Variants in RBPMS observed in about 807,000 individuals in gnomAD.
RBPMS encodes RNA binding protein, mRNA processing factor.
Under a neutral mutation model 26.8 loss-of-function variants are expected in RBPMS, and 7 were observed. The observed-to-expected ratio is 0.26, with a 90% CI of 0.15 to 0.49. RBPMS has a LOEUF of 0.49. Ranked by LOEUF, RBPMS falls within the 20% of genes least tolerant of loss-of-function variation. The probability of loss-of-function intolerance (pLI) is 0.98; values close to 1 mark genes in which losing one functional copy is unlikely to be tolerated. For missense variants in RBPMS, 186 were observed against 250.0 expected (o/e 0.74, Z 1.73); for synonymous variants, 96 against 93.3 (o/e 1.03, Z -0.17).
At chr8:30,412,447 CTT>C (rs753987184) in intron 1 of RBPMS, among the ~76,000 whole-genome samples, 6 of 143,716 alleles carry the variant, frequency 4.2e-5, no homozygotes, top group Non-Finnish European at 3.1e-5. Flanking sequence ...AATGACACTA[CTT>C]TTTTTTTTTT....
At position 30,385,151 on chromosome 8, in the gene RBPMS, A is replaced by T; in HGVS notation, c.59A>T (p.Glu20Val). 1 of 1,518,430 alleles carries T rather than the reference A, an allele frequency of 6.6e-7. No individual in the cohort carries two copies. The highest frequency in any genetic ancestry group is 1.3e-5 in the South Asian group (1 of 79,936). The allele number at this position is 1,518,430 out of a possible 1,614,324, so 94.1% of individuals were successfully genotyped here. The change falls in exon 1 of 9, where the codon GAG becomes GTG. Residue 20 changes from glutamate (E) to valine (V), a missense_variant. This residue lies in a region of RBPMS where 38 missense variants were observed against 27.8 expected (regional missense o/e 1.37). Coordinates refer to ENST00000397323, the MANE Select transcript of RBPMS (RefSeq NM_001008710.3). Reference sequence around the variant, plus strand: ...ACCCCGAGCGAGGCCAACCTTCAGGAGGAGGAGGTACTGGGCGGCTCGGTG... The same window carrying T: ...ACCCCGAGCGAGGCCAACCTTCAGGTGGAGGAGGTACTGGGCGGCTCGGTG... ...ENTPSEANLQEEEVRTLFVSG... is the reference protein window; with the variant it reads ...ENTPSEANLQVEEVRTLFVSG...
intron 4 of RBPMS, among the ~76,000 whole-genome samples, chr8:30,497,690 C>T (rs1470060268): frequency 1.3e-5 from 2 of 152,062 alleles, no homozygotes; most frequent in African/African-American, 4.8e-5. Context: ...CATCTCGGCT[C>T]ACTGCAAGCT....
At chr8:30,424,099 A>C (rs1212115037) in intron 1 of RBPMS, among the ~76,000 whole-genome samples, 1 of 152,104 alleles carries the variant, frequency 6.6e-6, no homozygotes, top group African/African-American at 2.4e-5. Context: ...CCGTCTTCCA[A>C]AGTGCTGGGA....
intron 4 of RBPMS, among the ~76,000 whole-genome samples, chr8:30,502,153 T>TC (rs1335038230): frequency 6.6e-6 from 1 of 151,472 alleles, no homozygotes; most frequent in Non-Finnish European, 1.5e-5. Context: ...TTTTTTTTTT[T>TC]TTTAAATAAG....
At chr8:30,447,962 A>C (rs920919183) in intron 1 of RBPMS, among the ~76,000 whole-genome samples, 8 of 152,222 alleles carry the variant, frequency 5.3e-5, no homozygotes, top group Non-Finnish European at 8.8e-5. Context: ...GGAGATTTCT[A>C]AAAGCCTCTT....
intron 8 of RBPMS, among the ~76,000 whole-genome samples, chr8:30,567,301 A>G (rs1441294544): frequency 2.0e-5 from 3 of 152,210 alleles, no homozygotes; most frequent in African/African-American, 7.2e-5. Flanking sequence ...ACCCAGGAGC[A>G]GGCATCAGGT....
At chr8:30,390,042 A>G (rs1279940923) in intron 1 of RBPMS, among the ~76,000 whole-genome samples, 2 of 152,228 alleles carry the variant, frequency 1.3e-5, no homozygotes, top group African/African-American at 4.8e-5. Flanking sequence ...GTTTTATGCT[A>G]TGTGATGCCA....
At chr8:30,389,748 C>T (rs1238464102) in intron 1 of RBPMS, among the ~76,000 whole-genome samples, 1 of 152,016 alleles carries the variant, frequency 6.6e-6, no homozygotes, top group Non-Finnish European at 1.5e-5. Flanking sequence ...ATTGTGCAAC[C>T]ACTAAAGGCT....
In RBPMS at chr8:30,477,944, T is replaced by C. The variant is rs1024770002; in HGVS notation, c.183+107T>C. 33 of 773,528 alleles carry C rather than the reference T, an allele frequency of 4.3e-5. 1 individual carries two copies. The South Asian group carries it at 4.3e-4, about 10-fold the overall frequency. The allele number at this position is 773,528 out of a possible 1,614,324, so 47.9% of individuals were successfully genotyped here. ...TTCCCATTAGAATTTGAGGGGTTTT[T>C]TGTCTTTAAAATTAAAAGTGAGATG... On this transcript the variant is annotated intron_variant, in intron 3 of 8. Transcript: ENST00000397323.
At chr8:30,479,212 G>T in intron 3 of RBPMS, 103 bp from the exon 4 acceptor site, 2 of 824,700 alleles carry the variant, frequency 2.4e-6, no homozygotes, top group South Asian at 1.5e-5. Flanking sequence ...CATTGCCTGT[G>T]GTCATTTCTT....
chr8:30,559,861 G>GTAAGATA (rs1827301711), intron 7 of RBPMS, among the ~76,000 whole-genome samples: 1 of 152,130 alleles, frequency 6.6e-6, no homozygotes, highest in Non-Finnish European at 1.5e-5. Flanking sequence ...GCCTTTCCTT[G>GTAAGATA]GAGACTTCTA....
intron 4 of RBPMS, among the ~76,000 whole-genome samples, chr8:30,497,872 T>A (rs1820149916): frequency 6.6e-6 from 1 of 151,864 alleles, no homozygotes; most frequent in Admixed American, 6.6e-5. Flanking sequence ...TCTGCCCGCC[T>A]CGGCCTCCCA....
chr8:30,515,466 AT>A (rs1302830401), intron 5 of RBPMS, among the ~76,000 whole-genome samples: 4 of 152,214 alleles, frequency 2.6e-5, no homozygotes, highest in Non-Finnish European at 5.9e-5. Context: ...GTGAGACCAT[AT>A]TTTTTTCATA....
chr8:30,451,652 C>T (rs1159072572), intron 1 of RBPMS, among the ~76,000 whole-genome samples: 1 of 152,054 alleles, frequency 6.6e-6, no homozygotes, highest in Non-Finnish European at 1.5e-5. Flanking sequence ...ATTTTTTTCC[C>T]AGCAGGCAAC....
At chr8:30,467,205 C>G (rs935386549) in intron 1 of RBPMS, among the ~76,000 whole-genome samples, 1 of 152,204 alleles carries the variant, frequency 6.6e-6, no homozygotes, top group Non-Finnish European at 1.5e-5. Flanking sequence ...GGAAATCCTA[C>G]CAAGCCAACA....
chr8:30,426,306 C>T (rs972271550), intron 1 of RBPMS, among the ~76,000 whole-genome samples: 6 of 152,312 alleles, frequency 3.9e-5, no homozygotes, highest in Admixed American at 1.3e-4. Context: ...AAATGAGTTT[C>T]ACTGAAGTGT....
At position 30,571,575 on chromosome 8, in the gene RBPMS, A is replaced by G. The variant is rs1828252779; in HGVS notation, c.*1050A>G. 6.6e-6 allele frequency: 1 copy of G among 152,260 alleles called. No individual in the cohort carries two copies. The highest frequency in any genetic ancestry group is 2.1e-4 in the South Asian group (1 of 4,830). 9.4% of individuals were successfully genotyped at this position (152,260 alleles called of 1,614,324 possible). A position where few individuals can be genotyped will look rare whatever the true frequency, so the allele number is the denominator to read the frequency against. ...ATCTCCAAAGTGATGTTTGTTTGCA[A>G]AACACCGGCTGAACTGAGCTGGTGT... On this transcript the variant is annotated 3_prime_UTR_variant, in exon 9 of 9. Transcript: ENST00000397323.
chr8:30,443,066 C>G (rs948736070), intron 1 of RBPMS, among the ~76,000 whole-genome samples: 5 of 152,192 alleles, frequency 3.3e-5, no homozygotes, highest in Non-Finnish European at 7.3e-5. Context: ...GTATTCTCGT[C>G]CACACAGTTG....
intron 1 of RBPMS, among the ~76,000 whole-genome samples, chr8:30,433,852 A>C (rs780781303): frequency 1.3e-5 from 2 of 152,216 alleles, no homozygotes; most frequent in Non-Finnish European, 2.9e-5. Context: ...TAGATCTTGC[A>C]TGATTATACA....
Sources: allele counts gnomAD v4.1 joint callset (sites outside exome capture counted in the v4.1 genomes callset), GRCh38; gene constraint gnomAD v4.1.1; regional missense constraint gnomAD v4.1.1; transcripts MANE v1.5; gene names NCBI Gene and HGNC (gene_info 2026-07-23, HGNC 2026-07-21).